The following GGT1 variants were observed in gnomAD, a reference collection of about 807,000 sequenced individuals.
GGT1 encodes glutathione hydrolase 1 proenzyme.
Under a neutral mutation model 56.0 loss-of-function variants are expected in GGT1, and 21 were observed. The observed-to-expected ratio is 0.38, with a 90% CI of 0.27 to 0.54. GGT1 has a LOEUF of 0.54. Ranked by LOEUF, GGT1 falls within the 20% of genes least tolerant of loss-of-function variation. The pLI is 0.82. For synonymous variants in GGT1, 238 were observed against 342.6 expected (o/e 0.69, Z 3.37); for missense variants, 466 against 787.0 (o/e 0.59, Z 4.88).
the GGT1 span, chr22:24,586,298 C>G: frequency 5.0e-6 from 8 of 1,614,018 alleles, no homozygotes; most frequent in East Asian, 1.1e-4. Flanking sequence ...CAGCACAGCA[C>G]CATGGCTGCT....
At chr22:24,592,784 AGCCCC>A (rs1427443990), upstream of GGT1, 1 of 1,265,022 alleles carries the variant, frequency 7.9e-7, no homozygotes, top group Admixed American at 4.0e-5. Flanking sequence ...CACAACCCAT[AGCCCC>A]GCGCCTCCCA....
chr22:24,588,483 C>T, the GGT1 span: 1 of 764,948 alleles, frequency 1.3e-6, no homozygotes, highest in Non-Finnish European at 2.1e-6. Flanking sequence ...CCTCCTACCC[C>T]CCAACCCGGC....
chr22:24,589,444 A>C, the GGT1 span: 1 of 875,204 alleles, frequency 1.1e-6, no homozygotes, highest in African/African-American at 1.8e-5. Flanking sequence ...CTGGCCCAGG[A>C]ATTCAGAGGC....
the GGT1 span, chr22:24,586,179 G>A: frequency 3.8e-5 from 62 of 1,613,574 alleles, no homozygotes; most frequent in Middle Eastern, 1.6e-4. Context: ...CGCGTCAGTC[G>A]GTTGCCGTTG....
At chr22:24,586,471 C>G in the GGT1 span, 2 of 1,523,808 alleles carry the variant, frequency 1.3e-6, no homozygotes, top group African/African-American at 2.7e-5. Flanking sequence ...CCACTGACCA[C>G]AGACAGTGAC....
chr22:24,607,735 A>G (rs966629959), intron 1 of GGT1: 5 of 291,294 alleles, frequency 1.7e-5, no homozygotes, highest in Admixed American at 4.9e-5. Flanking sequence ...TGGACTAGGT[A>G]AGCTCATGAG....
upstream of GGT1, among the ~76,000 whole-genome samples, chr22:24,594,391 A>ATGTGTGTGTG (rs61535476): frequency 4.7e-3 from 665 of 142,290 alleles, 26 homozygotes; most frequent in East Asian, 0.11. Flanking sequence ...ACCCGTGTGT[A>ATGTGTGTGTG]TGTGTGTGTG....
Position 24,620,501 on chromosome 22 carries a change from G to C in GGT1, c.556G>C (p.Glu186Gln). 6.2e-7 allele frequency: 1 copy of C among 1,611,892 alleles called. No homozygotes were observed. Among genetic ancestry groups the C allele is most frequent in the Non-Finnish European group, 8.5e-7 (1 of 1,179,810 alleles). ...CCTGGAAAACAAGCGGACCGTCATC[G>C]AGCAGCAGCCTGTCTTGTGGTATGT... The part of the protein sequence containing the change: ...AALENKRTVI[E>Q]QQPVLCEVFC... Residue 186 changes from glutamate to glutamine, a missense_variant, in exon 8 of 16, where the codon GAG (glutamate) becomes CAG (glutamine). Glu to Gln is a conservative substitution (Grantham distance 29). This residue lies in a region of GGT1 where 456 missense variants were observed against 716.7 expected (regional missense o/e 0.64). Coordinates refer to ENST00000400382, the MANE Select transcript of GGT1 (RefSeq NM_001288833.2). The surrounding 1 kb of genome is among the most constrained non-coding windows in gnomAD (Gnocchi z 5.6).
At chr22:24,592,849 G>A (rs1182638706), upstream of GGT1, 2 of 1,276,682 alleles carry the variant, frequency 1.6e-6, no homozygotes, top group Admixed American at 4.2e-5. Context: ...GGGGCGGACG[G>A]CTCCTTCTCT....
In GGT1 at chr22:24,628,687, C is replaced by A. The variant is rs1171125007; in HGVS notation, c.1564-6C>A. The A allele has an allele frequency of 6.2e-7, 1 of 1,610,864 alleles. No individual in the cohort carries two copies. Among genetic ancestry groups the A allele is most frequent in the South Asian group, 1.1e-5 (1 of 90,988 alleles). On this transcript the variant is annotated splice_polypyrimidine_tract_variant and splice_region_variant and intron_variant, in intron 15 of 15. Transcript: ENST00000400382. The surrounding 1 kb of genome is among the most constrained non-coding windows in gnomAD (Gnocchi z 5.7). ...GCTCAGGCTTCCCCTCTCCTCCCAC[C>A]CCCAGGCAGTGACTGCAGCCCTGGA... is the stretch of plus-strand genomic sequence containing the variant.
At chr22:24,612,003 T>C (rs904875667) in intron 5 of GGT1, among the ~76,000 whole-genome samples, 6 of 152,014 alleles carry the variant, frequency 3.9e-5, no homozygotes, top group Non-Finnish European at 7.4e-5. Context: ...GACAGGGTTT[T>C]GCTATGTTGG....
At chr22:24,594,031 C>A (rs1411374182), upstream of GGT1, among the ~76,000 whole-genome samples, 1 of 152,204 alleles carries the variant, frequency 6.6e-6, no homozygotes, top group East Asian at 1.9e-4. Context: ...TGGCTTCAGT[C>A]TGCCTCCCTG....
At chr22:24,612,466 C>G (rs1422675252) in intron 5 of GGT1, among the ~76,000 whole-genome samples, 3 of 131,998 alleles carry the variant, frequency 2.3e-5, no homozygotes, top group Non-Finnish European at 4.8e-5. Context: ...CCCCCCTCCC[C>G]CCAAGGAACA....
chr22:24,602,845 C>T (rs1601617408), upstream of GGT1, among the ~76,000 whole-genome samples: 1 of 152,202 alleles, frequency 6.6e-6, no homozygotes, highest in Non-Finnish European at 1.5e-5. Context: ...ATGCTTACAT[C>T]TCCAGCCCCT....
At chr22:24,589,855 A>ATG, upstream of GGT1, 1 of 1,613,758 alleles carries the variant, frequency 6.2e-7, no homozygotes, top group Non-Finnish European at 8.5e-7. Context: ...GGCCAGGTTC[A>ATG]CAAGCAGGTC....
At chr22:24,626,756 C>T (rs2047807152) in intron 11 of GGT1, among the ~76,000 whole-genome samples, 2 of 151,416 alleles carry the variant, frequency 1.3e-5, no homozygotes, top group Admixed American at 6.7e-5. Flanking sequence ...CCAGCCTGCT[C>T]ATTCCTCTGC....
chr22:24,599,182 G>T (rs1481106409), upstream of GGT1: 2 of 152,228 alleles, frequency 1.3e-5, no homozygotes, highest in Admixed American at 1.3e-4. Flanking sequence ...TGTGGATACT[G>T]TGGAGGAGGC....
At chr22:24,585,123 C>T in the GGT1 span, among the ~76,000 whole-genome samples, 2 of 152,140 alleles carry the variant, frequency 1.3e-5, no homozygotes, top group Non-Finnish European at 2.9e-5. Flanking sequence ...ACAGAGCTGC[C>T]CCTCGCCAAG....
At chr22:24,587,266 G>C in the GGT1 span, among the ~76,000 whole-genome samples, 1 of 152,220 alleles carries the variant, frequency 6.6e-6, no homozygotes, top group Non-Finnish European at 1.5e-5. Flanking sequence ...GGGTGTGCAG[G>C]CTGGGGGCCG....
Sources: allele counts gnomAD v4.1 joint callset (sites outside exome capture counted in the v4.1 genomes callset), GRCh38; gene constraint gnomAD v4.1.1; regional missense constraint gnomAD v4.1.1; non-coding constraint Gnocchi (gnomAD v3.1); transcripts MANE v1.5; gene names NCBI Gene and HGNC (gene_info 2026-07-23, HGNC 2026-07-21).